SH3GL2: variants seen among roughly 807,000 people sequenced by gnomAD.
SH3GL2 encodes the protein endophilin-A1.
In SH3GL2, 24 loss-of-function variants were observed where a neutral mutation model predicts 46.0. The observed-to-expected ratio is 0.52, with a 90% CI of 0.38 to 0.73. The LOEUF (loss-of-function observed/expected upper bound fraction) is 0.73, where lower values mean the gene tolerates loss of function less well. SH3GL2 is among the 30% of genes least tolerant of loss of function. SH3GL2 has a pLI of 0.00. For synonymous variants in SH3GL2, 196 were observed against 147.1 expected, an observed-to-expected ratio of 1.33 and a Z score of -2.40; for missense variants, 413 against 424.2, an observed-to-expected ratio of 0.97 and a Z score of 0.23.
At chr9:17,642,070 A>G (rs565342819) in intron 1 of SH3GL2, among the ~76,000 whole-genome samples, 2 of 152,146 alleles carry the variant, frequency 1.3e-5, no homozygotes, top group South Asian at 4.1e-4. Flanking sequence ...GTGTAAAAGC[A>G]TTCCTGTTTC....
rs192692903 is a variant in SH3GL2 at position 17,706,034 on chromosome 9, A to G, written c.46-41032A>G. The stretch of plus-strand genomic sequence containing the variant: ...TTTGGAGACATAGGGCTAAAAACTG[A>G]TCAAAGTAATATATAGAAAGTATTA... On this transcript the variant is annotated intron_variant, in intron 1 of 8. Transcript: ENST00000380607. Among the ~76,000 whole-genome samples, 50 of 152,218 alleles carry G rather than the reference A, an allele frequency of 3.3e-4. No homozygotes were observed. The East Asian group carries it at 8.3e-3, about 25-fold the overall frequency.
In SH3GL2 at chr9:17,747,036, A is replaced by G. The variant is rs747993238; in HGVS notation, c.46-30A>G. The G allele has an allele frequency of 3.4e-6, 5 of 1,468,084 alleles. No homozygotes were observed. In the African/African-American group the frequency reaches 7.0e-5, roughly 21 times the overall value. The allele number at this position is 1,468,084 out of a possible 1,614,324, so 90.9% of individuals were successfully genotyped here. A position where few individuals can be genotyped will look rare whatever the true frequency, so the allele number is the denominator to read the frequency against. On this transcript the variant is annotated intron_variant, in intron 1 of 8. Coordinates refer to ENST00000380607, the MANE Select transcript of SH3GL2 (RefSeq NM_003026.5). ...ACATTTTTTAAAGAAACTGTTTATA[A>G]TAATTCTCCTTTGTGGTTATTTTCT... is the stretch of plus-strand genomic sequence containing the variant.
chr9:17,762,445 G>A (rs1244548791), intron 3 of SH3GL2, among the ~76,000 whole-genome samples: 1 of 151,630 alleles, frequency 6.6e-6, no homozygotes, highest in Non-Finnish European at 1.5e-5. Context: ...GAGGAAGCAG[G>A]TGTGTGCTGT....
chr9:17,678,077 C>T (rs1490066123), intron 1 of SH3GL2, among the ~76,000 whole-genome samples: 27 of 151,914 alleles, frequency 1.8e-4, no homozygotes, highest in Non-Finnish European at 3.8e-4. Context: ...TGAATAGTGC[C>T]GCAGTAAACA....
At chr9:17,705,223 A>T (rs895361261) in intron 1 of SH3GL2, among the ~76,000 whole-genome samples, 1 of 152,130 alleles carries the variant, frequency 6.6e-6, no homozygotes, top group African/African-American at 2.4e-5. Flanking sequence ...AATGACTGTT[A>T]TCAAAAAGTC....
At chr9:17,703,553 A>T (rs1230113327) in intron 1 of SH3GL2, among the ~76,000 whole-genome samples, 1 of 152,094 alleles carries the variant, frequency 6.6e-6, no homozygotes, top group East Asian at 1.9e-4. Context: ...AAAAATCCTC[A>T]GGAAAATACT....
At chr9:17,610,553 G>A (rs1254409385) in intron 1 of SH3GL2, among the ~76,000 whole-genome samples, 1 of 152,174 alleles carries the variant, frequency 6.6e-6, no homozygotes, top group Non-Finnish European at 1.5e-5. Context: ...ACTGCAATGG[G>A]AACTTTGTAA....
intron 1 of SH3GL2, among the ~76,000 whole-genome samples, chr9:17,656,547 AG>A (rs1448845505): frequency 6.6e-6 from 1 of 152,162 alleles, no homozygotes; most frequent in Non-Finnish European, 1.5e-5. Context: ...TAATTATTAA[AG>A]TATATGCCTG....
At chr9:17,754,626 T>A (rs936634100) in intron 2 of SH3GL2, among the ~76,000 whole-genome samples, 1 of 152,208 alleles carries the variant, frequency 6.6e-6, no homozygotes, top group African/African-American at 2.4e-5. Context: ...TGAGCCGAGA[T>A]CACGCCACTG....
intron 1 of SH3GL2, among the ~76,000 whole-genome samples, chr9:17,686,722 A>C (rs1452164992): frequency 4.3e-5 from 6 of 140,672 alleles, no homozygotes; most frequent in Non-Finnish European, 9.1e-5. Context: ...TCTCACTCAT[A>C]GGTGGGAATT....
intron 1 of SH3GL2, among the ~76,000 whole-genome samples, chr9:17,639,206 G>A (rs1819615263): frequency 6.6e-6 from 1 of 152,136 alleles, no homozygotes; most frequent in Admixed American, 6.5e-5. Context: ...AGAAAAAAGT[G>A]GTAAATTTTA....
rs1259930444 is a variant in SH3GL2 at position 17,579,226 on chromosome 9, G to A, written c.-17G>A. On this transcript the variant is annotated 5_prime_UTR_variant, in exon 1 of 9. Coordinates refer to ENST00000380607, the MANE Select transcript of SH3GL2 (RefSeq NM_003026.5). Reference sequence around the variant, plus strand: ...CCTCCCTCCCGCACAGCAGCCGCCAGCGCGGCCTCCTGCACCATGTCGGTG... The same window carrying A: ...CCTCCCTCCCGCACAGCAGCCGCCAACGCGGCCTCCTGCACCATGTCGGTG... 2 of 1,542,844 alleles carry A rather than the reference G, an allele frequency of 1.3e-6. No homozygotes were observed. Among genetic ancestry groups the A allele is most frequent in the Middle Eastern group, 1.7e-4 (1 of 5,866 alleles).
intron 3 of SH3GL2, among the ~76,000 whole-genome samples, chr9:17,783,589 G>C (rs1209019609): frequency 6.6e-6 from 1 of 152,034 alleles, no homozygotes; most frequent in Non-Finnish European, 1.5e-5. Context: ...TTAAGACTGA[G>C]CCTCAACTGC....
chr9:17,762,883 T>C (rs1823218290), intron 3 of SH3GL2, among the ~76,000 whole-genome samples: 2 of 152,346 alleles, frequency 1.3e-5, no homozygotes, highest in African/African-American at 4.8e-5. Context: ...AGAGAACTGC[T>C]CGCCCTGCTT....
intron 1 of SH3GL2, among the ~76,000 whole-genome samples, chr9:17,683,250 A>G (rs551169693): frequency 5.3e-5 from 8 of 152,250 alleles, no homozygotes; most frequent in African/African-American, 1.9e-4. Flanking sequence ...GCAGTTCTCT[A>G]CAGACCTCAC....
At chr9:17,771,437 C>G (rs1482559230) in intron 3 of SH3GL2, among the ~76,000 whole-genome samples, 2 of 152,134 alleles carry the variant, frequency 1.3e-5, no homozygotes, top group African/African-American at 4.8e-5. Context: ...GATGCTAACC[C>G]AGCAGTTCCT....
At chr9:17,763,664 A>G (rs762978741) in intron 3 of SH3GL2, among the ~76,000 whole-genome samples, 24 of 152,174 alleles carry the variant, frequency 1.6e-4, no homozygotes, top group Non-Finnish European at 2.8e-4. Flanking sequence ...CTTTTCTTTG[A>G]GGCTGCCCAG....
At chr9:17,694,242 C>T (rs1407897041) in intron 1 of SH3GL2, among the ~76,000 whole-genome samples, 6 of 151,928 alleles carry the variant, frequency 3.9e-5, no homozygotes, top group Non-Finnish European at 7.4e-5. Flanking sequence ...TCTTGGGGGG[C>T]CTTAGGAAAC....
chr9:17,796,521 A>T lies in SH3GL2; in HGVS notation c.*778A>T, dbSNP rs1268945525. 6.6e-6 allele frequency: 1 copy of T among 152,228 alleles called. No individual in the cohort carries two copies. Among genetic ancestry groups the T allele is most frequent in the Admixed American group, 6.5e-5 (1 of 15,284 alleles). The allele number at this position is 152,228 out of a possible 1,614,324, so 9.4% of individuals were successfully genotyped here. ...ATTTCTTGCTATACAGAAACTATGT[A>T]TGTATTTAGGCTATTTCTGAAGGGC... On this transcript the variant is annotated 3_prime_UTR_variant, in exon 9 of 9. Transcript: ENST00000380607.
Sources: allele counts gnomAD v4.1 joint callset (sites outside exome capture counted in the v4.1 genomes callset), GRCh38; gene constraint gnomAD v4.1.1; transcripts MANE v1.5; gene names NCBI Gene and HGNC (gene_info 2026-07-23, HGNC 2026-07-21).